HNMT: variants seen among roughly 807,000 people sequenced by gnomAD.
The protein encoded by HNMT is histamine N-methyltransferase.
A neutral mutation model predicts 32.1 loss-of-function variants in HNMT; 30 were observed. That is an observed-to-expected ratio of 0.93 (90% CI 0.70 to 1.27). The LOEUF (loss-of-function observed/expected upper bound fraction) is 1.27, where lower values mean the gene tolerates loss of function less well. Among genes scored for constraint, HNMT ranks in the 50% most tolerant of loss-of-function variants. The pLI is 0.00. For missense variants in HNMT, 327 were observed against 346.0 expected (o/e 0.95, Z 0.43); for synonymous variants, 125 against 119.0 (o/e 1.05, Z -0.33).
chr2:137,984,055 A>G (rs961102469), intron 2 of HNMT, among the ~76,000 whole-genome samples: 1 of 152,186 alleles, frequency 6.6e-6, no homozygotes, highest in Admixed American at 6.5e-5. Context: ...GATCTGATCT[A>G]TGGATTCTGA....
chr2:137,967,279 G>A (rs1679987982), intron 1 of HNMT: 2 of 593,518 alleles, frequency 3.4e-6, no homozygotes, highest in African/African-American at 1.9e-5. Context: ...GAACAAGGCG[G>A]CATGCACATG....
intron 2 of HNMT, 53 bp downstream of exon 2, chr2:137,970,270 G>A: frequency 1.0e-6 from 1 of 1,002,584 alleles, no homozygotes; most frequent in Non-Finnish European, 1.5e-6. Context: ...ATTATGCTGT[G>A]TGATGACAAT....
At chr2:137,997,061 A>G (rs943264555) in intron 2 of HNMT, among the ~76,000 whole-genome samples, 7 of 152,240 alleles carry the variant, frequency 4.6e-5, no homozygotes, top group Admixed American at 4.6e-4. Flanking sequence ...ACCCAAAACC[A>G]TAAAAACCCT....
chr2:137,964,746 A>G (rs1428487262), intron 1 of HNMT, 118 bp downstream of exon 1: 2 of 969,456 alleles, frequency 2.1e-6, no homozygotes, highest in Non-Finnish European at 3.2e-6. Flanking sequence ...AATTACTGAT[A>G]GCAGCTCCCC....
chr2:137,988,923 G>T (rs1398980290), intron 2 of HNMT, among the ~76,000 whole-genome samples: 1 of 152,072 alleles, frequency 6.6e-6, no homozygotes. Flanking sequence ...TTTAAAGAAA[G>T]GTTTTTTAAA....
chr2:137,994,095 T>C (rs751321109), intron 2 of HNMT, among the ~76,000 whole-genome samples: 2 of 152,084 alleles, frequency 1.3e-5, no homozygotes, highest in Non-Finnish European at 2.9e-5. Context: ...AATGACACTA[T>C]GAAGAAACTG....
chr2:137,980,136 T>C (rs1408616834), intron 2 of HNMT, among the ~76,000 whole-genome samples: 3 of 151,698 alleles, frequency 2.0e-5, no homozygotes, highest in Admixed American at 2.0e-4. Flanking sequence ...CCCAGGTTCA[T>C]GCCATTCTCC....
intron 2 of HNMT, among the ~76,000 whole-genome samples, chr2:137,997,153 A>G (rs767708587): frequency 7.9e-5 from 12 of 152,234 alleles, no homozygotes; most frequent in Non-Finnish European, 1.5e-4. Context: ...CAATTGCAAC[A>G]AAAGCCAACA....
chr2:137,967,061 T>C (rs1679979751), intron 1 of HNMT: 1 of 780,306 alleles, frequency 1.3e-6, no homozygotes, highest in African/African-American at 1.7e-5. Context: ...TGGTTTTGTA[T>C]AATAGATCTA....
chr2:137,968,850 C>A (rs2104922507), intron 1 of HNMT, among the ~76,000 whole-genome samples: 1 of 152,274 alleles, frequency 6.6e-6, no homozygotes, highest in South Asian at 2.1e-4. Context: ...GCACTGTAGA[C>A]AAAACACAGT....
rs767467449 is a variant in HNMT, at chr2:137,970,170, G to C, written c.143G>C (p.Gly48Ala). ...ACATAATTTTTTTCTTTCAGGATTG[G>C]AGACACAAAATCAGAAATTAAGATT... The part of the protein sequence containing the change: ...KKLPGIIGRI[G>A]DTKSEIKILS... The change falls in exon 2 of 6, where the codon GGA becomes GCA. Residue 48 changes from glycine to alanine, a missense_variant. By Grantham distance (60) the Gly-to-Ala change is moderately conservative. Coordinates refer to ENST00000280097, the MANE Select transcript of HNMT (RefSeq NM_006895.3). 19 of 1,565,764 alleles carry C rather than the reference G, an allele frequency of 1.2e-5. No homozygotes were observed. The African/African-American group carries it at 1.9e-4, about 16-fold the overall frequency.
intron 2 of HNMT, among the ~76,000 whole-genome samples, chr2:137,974,481 C>T (rs1191068653): frequency 2.0e-5 from 3 of 152,056 alleles, no homozygotes; most frequent in African/African-American, 4.8e-5. Context: ...AAAAGAAACC[C>T]ATATTCTTTT....
intron 2 of HNMT, among the ~76,000 whole-genome samples, chr2:137,995,134 A>C (rs1680950171): frequency 6.6e-6 from 1 of 152,138 alleles, no homozygotes; most frequent in East Asian, 1.9e-4. Flanking sequence ...AATGAATCCA[A>C]AAGCTGGCAG....
chr2:137,979,007 T>C (rs1328340118), intron 2 of HNMT, among the ~76,000 whole-genome samples: 1 of 142,106 alleles, frequency 7.0e-6, no homozygotes, highest in Non-Finnish European at 1.5e-5. Context: ...CATTATATAA[T>C]ATTCTTATAT....
chr2:137,964,763 C>T, intron 1 of HNMT, 135 bp downstream of exon 1: 2 of 820,736 alleles, frequency 2.4e-6, no homozygotes, highest in Non-Finnish European at 3.9e-6. Flanking sequence ...CCCCGTCGTC[C>T]CCTCCTCGCT....
intron 1 of HNMT, chr2:137,967,421 A>C: frequency 3.1e-6 from 1 of 317,504 alleles, no homozygotes. Flanking sequence ...AAAAAAATAA[A>C]TCAAATGCTA....
rs1045091161 is a variant in HNMT at position 138,015,285 on chromosome 2, C to G, written c.*1155C>G. ...ATTTTAAGTATGTAAATAATTAGTA[C>G]TCCCTGTCACAAACAAAACAAAAGT... is the stretch of plus-strand genomic sequence containing the variant. On this transcript the variant is annotated 3_prime_UTR_variant, in exon 6 of 6. Transcript: ENST00000280097. 1 of 151,970 alleles carries G rather than the reference C, an allele frequency of 6.6e-6. No individual in the cohort carries two copies. Among genetic ancestry groups the G allele is most frequent in the Non-Finnish European group, 1.5e-5 (1 of 67,984 alleles). The allele number at this position is 151,970 out of a possible 1,614,324, so 9.4% of individuals were successfully genotyped here.
intron 2 of HNMT, among the ~76,000 whole-genome samples, chr2:137,980,878 AAAAG>A (rs1680472884): frequency 6.6e-6 from 1 of 152,160 alleles, no homozygotes; most frequent in Non-Finnish European, 1.5e-5. Flanking sequence ...AGAAGTAAAG[AAAAG>A]AAAGGATCTT....
At chr2:137,989,573 T>C (rs78534861) in intron 2 of HNMT, among the ~76,000 whole-genome samples, 1 of 152,242 alleles carries the variant, frequency 6.6e-6, no homozygotes, top group African/African-American at 2.4e-5. Flanking sequence ...GTGCAGATTT[T>C]TGTGTGACTG....
Sources: gnomAD v4.1 joint callset for allele counts (sites outside exome capture counted in the v4.1 genomes callset) on GRCh38, gnomAD v4.1.1 for gene constraint, MANE v1.5 for transcripts, NCBI Gene and HGNC (gene_info 2026-07-23, HGNC 2026-07-21) for gene names.